The following CEP112 variants were observed in gnomAD, a reference collection of about 807,000 sequenced individuals.
CEP112 encodes centrosomal protein 112.
Under a neutral mutation model 153.0 loss-of-function variants are expected in CEP112, and 127 were observed. The observed-to-expected ratio is 0.83, with a 90% CI of 0.72 to 0.96. The LOEUF (loss-of-function observed/expected upper bound fraction) is 0.96, where lower values mean the gene tolerates loss of function less well. Among genes scored for constraint, CEP112 ranks in the 40% least tolerant of loss-of-function variants. The pLI is 0.00. For missense variants in CEP112, 1,089 were observed against 1,101.2 expected, an observed-to-expected ratio of 0.99 and a Z score of 0.16; for synonymous variants, 358 against 374.4, an observed-to-expected ratio of 0.96 and a Z score of 0.51.
intron 17 of CEP112, among the ~76,000 whole-genome samples, chr17:65,982,148 A>T (rs2063250551): frequency 6.6e-6 from 1 of 152,190 alleles, no homozygotes; most frequent in African/African-American, 2.4e-5. Context: ...AATATGTGTA[A>T]TAATCACATC....
intron 16 of CEP112, among the ~76,000 whole-genome samples, chr17:66,024,446 A>C (rs1175792158): frequency 6.6e-6 from 1 of 152,138 alleles, no homozygotes; most frequent in African/African-American, 2.4e-5. Context: ...AAAACCTCTT[A>C]AATATTAAAA....
intron 20 of CEP112, among the ~76,000 whole-genome samples, chr17:65,894,128 T>C (rs546567444): frequency 6.6e-6 from 1 of 152,262 alleles, no homozygotes; most frequent in Admixed American, 6.6e-5. Flanking sequence ...CCAATATTCC[T>C]AGTAATTTCT....
At chr17:65,727,021 T>C (rs907975296) in intron 23 of CEP112, among the ~76,000 whole-genome samples, 3 of 152,218 alleles carry the variant, frequency 2.0e-5, no homozygotes, top group African/African-American at 7.2e-5. Context: ...GGGGAACTGC[T>C]GGCCCAAAGG....
chr17:65,657,083 T>TA (rs997767767), intron 24 of CEP112, among the ~76,000 whole-genome samples: 23 of 152,312 alleles, frequency 1.5e-4, no homozygotes, highest in African/African-American at 5.3e-4. Context: ...AAGAGGATCT[T>TA]AGAGATTCAC....
rs559790271 is a variant in CEP112, at chr17:65,640,158, T to A, written c.2799+806A>T. On this transcript the variant is annotated intron_variant, in intron 25 of 26. Transcript: ENST00000535342. ...CGACCATATATATATATATATATTTTTTTTTTTTTTTTTTTGAGACAGTCT... is the reference window on the plus strand; with the variant it reads ...CGACCATATATATATATATATATTTATTTTTTTTTTTTTTTGAGACAGTCT... Among the ~76,000 whole-genome samples, 595 of 108,512 alleles carry A rather than the reference T, an allele frequency of 5.5e-3. 5 individuals carry two copies. Among genetic ancestry groups the A allele is most frequent in the African/African-American group, 0.018 (342 of 18,982 alleles). The allele number at this position is 108,512 out of a possible 152,430, so 71.2% of individuals were successfully genotyped here. A position where few individuals can be genotyped will look rare whatever the true frequency, so the allele number is the denominator to read the frequency against.
At position 66,053,755 on chromosome 17, in the gene CEP112, A is replaced by G. The variant is rs1468938979; in HGVS notation, c.1199T>C (p.Met400Thr). 2 of 1,613,064 alleles carry G rather than the reference A, an allele frequency of 1.2e-6. No individual in the cohort carries two copies. The highest frequency in any genetic ancestry group is 2.7e-5 in the African/African-American group (2 of 74,920). Residue 400 changes from methionine (M) to threonine (T), a missense_variant, in exon 12 of 27, where the codon ATG (methionine) becomes ACG (threonine). Coordinates refer to ENST00000535342, the MANE Select transcript of CEP112 (RefSeq NM_001199165.4). ...VRLNKMESEYMAQTQSTNHMI... is the reference protein window; with the variant it reads ...VRLNKMESEYTAQTQSTNHMI... ...ACTCACTGTGGACTGTGTTTGCGCC[A>G]TGTATTCACTCTCCATTTTATTCAG...
chr17:66,173,997 C>CG (rs1180989789), intron 4 of CEP112, among the ~76,000 whole-genome samples: 1 of 152,076 alleles, frequency 6.6e-6, no homozygotes, highest in African/African-American at 2.4e-5. Flanking sequence ...AGTGGAATCT[C>CG]GGCTCACTGC....
chr17:65,699,234 T>C (rs2048502359), intron 23 of CEP112, among the ~76,000 whole-genome samples: 2 of 152,254 alleles, frequency 1.3e-5, no homozygotes, highest in Non-Finnish European at 2.9e-5. Context: ...TCTGAAATGC[T>C]TGGCAAAGTG....
chr17:65,821,496 T>TTATATATATATATATATAATTA (rs538859013), intron 21 of CEP112, among the ~76,000 whole-genome samples: 16 of 121,418 alleles, frequency 1.3e-4, no homozygotes, highest in African/African-American at 5.1e-4. Flanking sequence ...ATATATATAA[T>TTATATATATATATATATAATTA]TATATATATA....
chr17:66,079,498 GT>G (rs2067633181), intron 8 of CEP112, among the ~76,000 whole-genome samples: 1 of 152,038 alleles, frequency 6.6e-6, no homozygotes, highest in Non-Finnish European at 1.5e-5. Context: ...GAAAAGTTTA[GT>G]TCTCTTTGAA....
intron 17 of CEP112, among the ~76,000 whole-genome samples, chr17:65,973,554 A>C (rs2062926278): frequency 1.3e-5 from 2 of 152,230 alleles, no homozygotes; most frequent in South Asian, 4.1e-4. Context: ...ACAATAAGAT[A>C]CTACTACACA....
intron 8 of CEP112, among the ~76,000 whole-genome samples, chr17:66,080,496 T>TA (rs2067673585): frequency 6.6e-6 from 1 of 152,128 alleles, no homozygotes; most frequent in Admixed American, 6.5e-5. Flanking sequence ...TGGCCATCAT[T>TA]AAAAAGTCAG....
chr17:65,825,113 A>C (rs918313018), intron 21 of CEP112, among the ~76,000 whole-genome samples: 2 of 152,246 alleles, frequency 1.3e-5, no homozygotes, highest in Non-Finnish European at 2.9e-5. Context: ...GATGAACAAA[A>C]TGTGGTATAC....
intron 16 of CEP112, among the ~76,000 whole-genome samples, chr17:66,027,152 G>A (rs369560892): frequency 8.5e-5 from 13 of 152,234 alleles, no homozygotes; most frequent in East Asian, 3.9e-4. Flanking sequence ...CGAGACGGGC[G>A]GATCACTTGA....
intron 8 of CEP112, among the ~76,000 whole-genome samples, chr17:66,092,930 G>C (rs1470448279): frequency 1.3e-5 from 2 of 152,132 alleles, no homozygotes; most frequent in African/African-American, 4.8e-5. Flanking sequence ...GTGAAAAACT[G>C]AAAGCTTTTC....
intron 8 of CEP112, among the ~76,000 whole-genome samples, chr17:66,080,355 T>C (rs1490009822): frequency 3.9e-5 from 6 of 152,072 alleles, no homozygotes; most frequent in Non-Finnish European, 8.8e-5. Flanking sequence ...GGGTGAAGGA[T>C]AGAAACAGAC....
At chr17:65,807,913 G>A (rs1319421378) in intron 21 of CEP112, among the ~76,000 whole-genome samples, 3 of 152,240 alleles carry the variant, frequency 2.0e-5, no homozygotes, top group Non-Finnish European at 4.4e-5. Flanking sequence ...GCACTGCCTA[G>A]TGGAGCTGTG....
intron 12 of CEP112, among the ~76,000 whole-genome samples, chr17:66,049,616 T>C (rs572259720): frequency 7.9e-5 from 12 of 152,130 alleles, no homozygotes; most frequent in Non-Finnish European, 1.3e-4. Flanking sequence ...TGGGCCATGG[T>C]GGCACACACC....
intron 21 of CEP112, among the ~76,000 whole-genome samples, chr17:65,779,643 A>G (rs1447622180): frequency 6.6e-6 from 1 of 152,158 alleles, no homozygotes; most frequent in Non-Finnish European, 1.5e-5. Flanking sequence ...CTCAGTTTCA[A>G]TTCGTTTCTA....
Sources: gnomAD v4.1 joint callset for allele counts (sites outside exome capture counted in the v4.1 genomes callset) on GRCh38, gnomAD v4.1.1 for gene constraint, MANE v1.5 for transcripts, NCBI Gene and HGNC (gene_info 2026-07-23, HGNC 2026-07-21) for gene names.